Variants in EPB41L4A observed in about 807,000 individuals in gnomAD.
The protein encoded by EPB41L4A is erythrocyte membrane protein band 4.1 like 4A.
EPB41L4A carries 100 observed loss-of-function variants against 108.6 expected under a neutral mutation model. The ratio of observed to expected loss-of-function variants is 0.92; its 90% CI spans 0.78 to 1.09. EPB41L4A has a LOEUF of 1.09. Ranked by LOEUF, EPB41L4A falls within the 50% of genes least tolerant of loss-of-function variation. The pLI is 0.00. For missense variants in EPB41L4A, 1,030 were observed against 842.7 expected, an observed-to-expected ratio of 1.22 and a Z score of -2.75; for synonymous variants, 319 against 289.0, an observed-to-expected ratio of 1.10 and a Z score of -1.05.
rs764486570 is a variant in EPB41L4A, at chr5:112,259,882, C to T, written c.731+9G>A. The T allele has an allele frequency of 5.0e-6, 8 of 1,608,682 alleles. No homozygotes were observed. In the East Asian group the frequency reaches 1.8e-4, roughly 36 times the overall value. On this transcript the variant is annotated intron_variant, in intron 8 of 22. Transcript: ENST00000261486. Reference sequence around the variant, plus strand: ...TAGAATGCCAACTCTGTTCTCAAGCCATACCTACCAGAAATACTTCCCCAC... The same window carrying T: ...TAGAATGCCAACTCTGTTCTCAAGCTATACCTACCAGAAATACTTCCCCAC...
chr5:112,245,191 A>G (rs745550507), intron 9 of EPB41L4A, among the ~76,000 whole-genome samples: 3 of 152,226 alleles, frequency 2.0e-5, no homozygotes, highest in Non-Finnish European at 4.4e-5. Flanking sequence ...AAAACTAAGC[A>G]AAACACAATA....
At position 112,155,329 on chromosome 5, in the gene EPB41L4A, T is replaced by C. The variant is rs116377833; in HGVS notation, n.994+3072A>G. ...GATATTTACATAGAAAAAAATTATA[T>C]TTTAGCTCCCAAAACTCAATGCAAC... On this transcript the variant is annotated intron_variant and non_coding_transcript_variant, in intron 12 of 13. Transcript: ENST00000507810. Among the ~76,000 whole-genome samples, 282 of 152,138 alleles carry C rather than the reference T, an allele frequency of 1.9e-3. 1 individual carries two copies. The highest frequency in any genetic ancestry group is 6.2e-3 in the African/African-American group (259 of 41,490).
chr5:112,372,965 A>G (rs1295496330), intron 1 of EPB41L4A, among the ~76,000 whole-genome samples: 1 of 152,218 alleles, frequency 6.6e-6, no homozygotes, highest in Non-Finnish European at 1.5e-5. Flanking sequence ...AACCCTTAAA[A>G]TACGTGACAT....
At position 112,150,720 on chromosome 5, in the gene EPB41L4A, G is replaced by C. The variant is rs1759433000; in HGVS notation, n.995-4722C>G. ...TTTGGCAAGGAACAACCATTAGACT[G>C]ACCTGTGACTTTTTCCATAAAATGT... On this transcript the variant is annotated intron_variant and non_coding_transcript_variant, in intron 12 of 13. Coordinates refer to the EPB41L4A transcript ENST00000507810. Among the ~76,000 whole-genome samples the C allele has an allele frequency of 2.0e-5, 3 of 152,270 alleles. No individual in the cohort carries two copies. In the South Asian group the frequency reaches 6.2e-4, roughly 32 times the overall value.
At chr5:112,371,482 T>C (rs1466413279) in intron 1 of EPB41L4A, among the ~76,000 whole-genome samples, 7 of 152,146 alleles carry the variant, frequency 4.6e-5, no homozygotes, top group African/African-American at 1.4e-4. Flanking sequence ...CCCACTTCCC[T>C]CCGTTCCTCA....
chr5:112,270,442 A>T (rs1442881773), intron 4 of EPB41L4A, among the ~76,000 whole-genome samples: 2 of 152,208 alleles, frequency 1.3e-5, no homozygotes, highest in Admixed American at 6.5e-5. Flanking sequence ...AGTCAAAGGG[A>T]AACATTTAAA....
chr5:112,171,467 C>T (rs1760577886), intron 18 of EPB41L4A, among the ~76,000 whole-genome samples: 1 of 152,178 alleles, frequency 6.6e-6, no homozygotes, highest in African/African-American at 2.4e-5. Context: ...TACCAATGAC[C>T]CATCTTTCAT....
chr5:112,203,124 T>C (rs1408925812), intron 15 of EPB41L4A, among the ~76,000 whole-genome samples: 3 of 152,098 alleles, frequency 2.0e-5, no homozygotes, highest in African/African-American at 7.2e-5. Context: ...CCCAGCATTT[T>C]GGGAGGCTGA....
At chr5:112,356,414 T>C (rs1758361853) in intron 1 of EPB41L4A, among the ~76,000 whole-genome samples, 1 of 152,208 alleles carries the variant, frequency 6.6e-6, no homozygotes, top group Non-Finnish European at 1.5e-5. Context: ...AGTGACTGGA[T>C]TAACACAAAC....
chr5:112,200,453 T>G (rs868346732), intron 15 of EPB41L4A, among the ~76,000 whole-genome samples: 1 of 152,226 alleles, frequency 6.6e-6, no homozygotes, highest in Admixed American at 6.5e-5. Flanking sequence ...AAGTACCACA[T>G]AGCTTACCTT....
At position 112,419,198 on chromosome 5, in the gene EPB41L4A, C is replaced by T. The variant is rs1047131716; in HGVS notation, c.-159G>A. 3.8e-6 allele frequency: 2 copies of T among 521,664 alleles called. No homozygotes were observed. Among genetic ancestry groups the T allele is most frequent in the South Asian group, 5.3e-5 (2 of 37,716 alleles). 32.3% of individuals were successfully genotyped at this position (521,664 alleles called of 1,614,324 possible). A position where few individuals can be genotyped will look rare whatever the true frequency, so the allele number is the denominator to read the frequency against. ...TCCGGGGACCGGCCGCCGAACCGCC[C>T]GGCGGGGCGGGAGCGAGAAAGGCGG... On this transcript the variant is annotated 5_prime_UTR_variant, in exon 1 of 23. Coordinates refer to ENST00000261486, the MANE Select transcript of EPB41L4A (RefSeq NM_022140.5).
At chr5:112,151,026 G>A (rs1051410824) in intron 12 of EPB41L4A, among the ~76,000 whole-genome samples, 7 of 152,162 alleles carry the variant, frequency 4.6e-5, no homozygotes, top group East Asian at 1.9e-4. Flanking sequence ...TATGTCTGGG[G>A]AGGGATCTGA....
At chr5:112,165,985 A>G (rs1203609893) in intron 22 of EPB41L4A, among the ~76,000 whole-genome samples, 1 of 152,240 alleles carries the variant, frequency 6.6e-6, no homozygotes, top group African/African-American at 2.4e-5. Context: ...AGATTTCTAG[A>G]TAGCCAGAGG....
intron 1 of EPB41L4A, among the ~76,000 whole-genome samples, chr5:112,318,175 G>C (rs187236388): frequency 4.9e-4 from 74 of 152,206 alleles, no homozygotes; most frequent in Non-Finnish European, 8.7e-4. Flanking sequence ...CACTAACCAA[G>C]CACTTGCCTT....
intron 1 of EPB41L4A, among the ~76,000 whole-genome samples, chr5:112,323,210 G>T (rs1200469635): frequency 6.6e-6 from 1 of 152,016 alleles, no homozygotes; most frequent in Non-Finnish European, 1.5e-5. Flanking sequence ...AACTGGAAAG[G>T]AGGGAAGAGG....
intron 16 of EPB41L4A, 99 bp downstream of exon 16, chr5:112,195,552 TAAAAAAAATA>T: frequency 1.1e-6 from 1 of 904,134 alleles, no homozygotes; most frequent in Admixed American, 2.6e-5. Context: ...CTTTTGAAAG[TAAAAAAAATA>T]AAAAAAAATA....
intron 18 of EPB41L4A, among the ~76,000 whole-genome samples, chr5:112,182,446 T>C (rs1761205573): frequency 6.6e-6 from 1 of 152,234 alleles, no homozygotes; most frequent in African/African-American, 2.4e-5. Context: ...TATTTACTAT[T>C]GCCTCCAGGA....
chr5:112,337,089 T>A (rs1426522644), intron 1 of EPB41L4A, among the ~76,000 whole-genome samples: 1 of 152,208 alleles, frequency 6.6e-6, no homozygotes, highest in African/African-American at 2.4e-5. Context: ...TTTGAGCCTG[T>A]CACGTGAAGG....
At chr5:112,226,539 T>C (rs13180416) in intron 12 of EPB41L4A, among the ~76,000 whole-genome samples, 13,081 of 152,296 alleles carry the variant, frequency 0.086, 647 homozygotes, top group African/African-American at 0.12. Flanking sequence ...TGATTAACTG[T>C]GTGAACTTTA....
Sources: gnomAD v4.1 joint callset for allele counts (sites outside exome capture counted in the v4.1 genomes callset) on GRCh38, gnomAD v4.1.1 for gene constraint, MANE v1.5 for transcripts, NCBI Gene and HGNC (gene_info 2026-07-23, HGNC 2026-07-21) for gene names.